LAMB3: variants seen among roughly 807,000 people sequenced by gnomAD.
LAMB3 encodes the protein laminin subunit beta-3.
A neutral mutation model predicts 140.3 loss-of-function variants in LAMB3; 104 were observed. That is an observed-to-expected ratio of 0.74 (90% CI 0.63 to 0.87). LAMB3 has a LOEUF of 0.87. Ranked by LOEUF, LAMB3 falls within the 40% of genes least tolerant of loss-of-function variation. LAMB3 has a pLI of 0.00. For synonymous variants in LAMB3, 592 were observed against 602.9 expected (o/e 0.98, Z 0.26); for missense variants, 1,531 against 1,575.2 (o/e 0.97, Z 0.47).
intron 14 of LAMB3, among the ~76,000 whole-genome samples, chr1:209,625,036 C>T (rs1666378474): frequency 6.6e-6 from 1 of 152,110 alleles, no homozygotes; most frequent in Non-Finnish European, 1.5e-5. Context: ...CTCCCGGAGC[C>T]CCCAGCCAGA....
rs1260463293 is a variant in LAMB3, at chr1:209,618,012, A to G, written c.2946T>C (p.Asp982=). 3 of 1,614,126 alleles carry G rather than the reference A, an allele frequency of 1.9e-6. No individual in the cohort carries two copies. Among genetic ancestry groups the G allele is most frequent in the Admixed American group, 1.7e-5 (1 of 60,020 alleles). Residue 982 remains aspartate, a synonymous_variant, in exon 20 of 23, where the codon GAT becomes GAC. Transcript: ENST00000356082. ...RAHAVEGQVE[D]VVGNLRQGTV... ...TCCCCTGCCGCAGGTTCCCAACCAC[A>G]TCTTCCACCTGGCCCTCCACTGCAT...
intron 3 of LAMB3, among the ~76,000 whole-genome samples, chr1:209,642,722 A>G (rs1234596009): frequency 1.3e-5 from 2 of 152,018 alleles, no homozygotes. Context: ...CAAATGATCC[A>G]CCCACCCCAG....
chr1:209,628,034 C>T lies in LAMB3; in HGVS notation c.1288+1G>A, dbSNP rs1186161867. Reference sequence around the variant, plus strand: ...CATGCTGGGCCAAGCCCCCTACTCACGGTGGCAGCCCTGCGGGTTGGCGTA... The same window carrying T: ...CATGCTGGGCCAAGCCCCCTACTCATGGTGGCAGCCCTGCGGGTTGGCGTA... On this transcript the variant is annotated splice_donor_variant, in intron 11 of 22. Transcript: ENST00000356082. LOFTEE classifies it high-confidence loss of function. 3.7e-6 allele frequency: 6 copies of T among 1,601,746 alleles called. No homozygotes were observed. The highest frequency in any genetic ancestry group is 3.4e-6 in the Non-Finnish European group (4 of 1,173,886).
At chr1:209,642,831 C>A (rs1319145009) in intron 3 of LAMB3, among the ~76,000 whole-genome samples, 2 of 152,130 alleles carry the variant, frequency 1.3e-5, no homozygotes, top group South Asian at 4.1e-4. Flanking sequence ...TTCAGGAGAG[C>A]AAATAGTATC....
At chr1:209,650,448 A>G (rs990200219) in intron 2 of LAMB3, among the ~76,000 whole-genome samples, 4 of 152,194 alleles carry the variant, frequency 2.6e-5, no homozygotes, top group African/African-American at 7.2e-5. Context: ...TTCCACCTGC[A>G]TTGTGGCCTC....
chr1:209,642,226 T>C (rs1468463379), intron 3 of LAMB3, among the ~76,000 whole-genome samples: 3 of 152,222 alleles, frequency 2.0e-5, no homozygotes, highest in Non-Finnish European at 1.5e-5. Flanking sequence ...ATATACATTA[T>C]AATCTCAAAT....
chr1:209,650,253 C>A (rs559844532), intron 2 of LAMB3, 135 bp from the exon 3 acceptor site: 7 of 863,418 alleles, frequency 8.1e-6, no homozygotes, highest in Non-Finnish European at 1.3e-5. Flanking sequence ...TCGCTGCTGG[C>A]AGTAATAATT....
chr1:209,623,469 G>A lies in LAMB3; in HGVS notation c.2358+36C>T, dbSNP rs756291143. The stretch of plus-strand genomic sequence containing the variant: ...GTTGGTGTGTGACAAGCTGGGGTGT[G>A]GGCTCCAGGAAGTGGGACTCCATGC... On this transcript the variant is annotated intron_variant, in intron 16 of 22. Coordinates refer to ENST00000356082, the MANE Select transcript of LAMB3 (RefSeq NM_000228.3). This position sits in a 1 kb window ranked among gnomAD's most constrained non-coding sequence, Gnocchi z 4.2. 1 of 1,588,498 alleles carries A rather than the reference G, an allele frequency of 6.3e-7. No individual in the cohort carries two copies. The highest frequency in any genetic ancestry group is 2.2e-5 in the East Asian group (1 of 44,736).
chr1:209,616,413 G>T (rs1179530534), intron 22 of LAMB3, 58 bp downstream of exon 22: 3 of 1,593,230 alleles, frequency 1.9e-6, no homozygotes, highest in Admixed American at 1.7e-5. Flanking sequence ...GCCTTGGGTT[G>T]GGTGGGACCA....
chr1:209,638,041 G>T, intron 4 of LAMB3, 60 bp from the exon 5 acceptor site: 2 of 1,390,522 alleles, frequency 1.4e-6, no homozygotes, highest in Non-Finnish European at 2.0e-6. Context: ...CAGCCCTGAA[G>T]GAAGCCCTGG....
chr1:209,630,842 T>G lies in LAMB3; in HGVS notation c.823-107A>C, dbSNP rs1326160357. The G allele has an allele frequency of 3.0e-6, 4 of 1,316,466 alleles. No homozygotes were observed. The African/African-American group carries it at 5.8e-5, about 19-fold the overall frequency. 81.5% of individuals were successfully genotyped at this position (1,316,466 alleles called of 1,614,324 possible). ...TCTGCGCACCACTCAGGATCTGGCT[T>G]AGATCCCAACCCTTCCAGGAAGCTT... On this transcript the variant is annotated intron_variant, in intron 8 of 22. Coordinates refer to ENST00000356082, the MANE Select transcript of LAMB3 (RefSeq NM_000228.3).
intron 6 of LAMB3, 133 bp from the exon 7 acceptor site, chr1:209,633,266 G>C: frequency 1.4e-6 from 1 of 733,734 alleles, no homozygotes; most frequent in Admixed American, 2.0e-5. Context: ...ATAGACCATG[G>C]CTATGAGGCT....
intron 1 of LAMB3, 49 bp from the exon 2 acceptor site, chr1:209,651,030 C>T (rs2076562226): frequency 8.5e-7 from 1 of 1,173,430 alleles, no homozygotes; most frequent in Non-Finnish European, 1.3e-6. Flanking sequence ...ACCCCTAGAG[C>T]ACACTAGCCC....
chr1:209,651,082 C>G (rs765847262), intron 1 of LAMB3, 101 bp from the exon 2 acceptor site: 13 of 822,452 alleles, frequency 1.6e-5, no homozygotes, highest in Non-Finnish European at 2.4e-5. Flanking sequence ...TTTCAGAAGT[C>G]TTTACCTAGG....
intron 3 of LAMB3, among the ~76,000 whole-genome samples, chr1:209,646,865 C>T (rs2076523241): frequency 6.6e-6 from 1 of 152,184 alleles, no homozygotes; most frequent in Non-Finnish European, 1.5e-5. Flanking sequence ...CAACGGATAG[C>T]ACAGAAGTAA....
chr1:209,616,284 G>T (rs1208862141), intron 22 of LAMB3, among the ~76,000 whole-genome samples, 187 bp downstream of exon 22: 1 of 152,144 alleles, frequency 6.6e-6, no homozygotes, highest in Non-Finnish European at 1.5e-5. Flanking sequence ...TTGAGGCCAG[G>T]ACAAGTCATG....
intron 10 of LAMB3, among the ~76,000 whole-genome samples, chr1:209,628,723 A>AG (rs1666569155): frequency 6.6e-6 from 1 of 151,350 alleles, no homozygotes; most frequent in South Asian, 2.1e-4. Flanking sequence ...GAGAGAGAGA[A>AG]AGAAATGAGT....
chr1:209,651,004 G>C, intron 1 of LAMB3, 23 bp from the exon 2 acceptor site: 1 of 1,494,616 alleles, frequency 6.7e-7, no homozygotes, highest in Non-Finnish European at 9.3e-7. Flanking sequence ...AAAGCAAACT[G>C]GGTACAACAG....
chr1:209,619,723 A>T (rs1422446852), intron 18 of LAMB3, among the ~76,000 whole-genome samples: 1 of 152,144 alleles, frequency 6.6e-6, no homozygotes, highest in Non-Finnish European at 1.5e-5. Flanking sequence ...TCACCAGATG[A>T]TTTGCCCTGG....
Sources: allele counts gnomAD v4.1 joint callset (sites outside exome capture counted in the v4.1 genomes callset), GRCh38; gene constraint gnomAD v4.1.1; non-coding constraint Gnocchi (gnomAD v3.1); transcripts MANE v1.5; gene names NCBI Gene and HGNC (gene_info 2026-07-23, HGNC 2026-07-21).